Variants in SORCS3 observed in about 807,000 individuals in gnomAD.
The protein encoded by SORCS3 is VPS10 domain-containing receptor SorCS3.
Under a neutral mutation model 146.3 loss-of-function variants are expected in SORCS3, and 57 were observed. The observed-to-expected ratio is 0.39, with a 90% CI of 0.31 to 0.49. The LOEUF (loss-of-function observed/expected upper bound fraction) is 0.49, where lower values mean the gene tolerates loss of function less well. SORCS3 is among the 20% of genes least tolerant of loss of function. The pLI is 0.92. For synonymous variants in SORCS3, 653 were observed against 618.5 expected (o/e 1.06, Z -0.83); for missense variants, 1,341 against 1,575.5 (o/e 0.85, Z 2.52).
At chr10:105,178,355 A>G (rs919522432) in intron 14 of SORCS3, among the ~76,000 whole-genome samples, 182 bp downstream of exon 14, 1 of 152,228 alleles carries the variant, frequency 6.6e-6, no homozygotes, top group African/African-American at 2.4e-5. Flanking sequence ...AGCTACTGCC[A>G]GGATTAGGGA....
chr10:105,145,019 A>G (rs1046309450), intron 8 of SORCS3, among the ~76,000 whole-genome samples: 3 of 152,134 alleles, frequency 2.0e-5, no homozygotes, highest in African/African-American at 7.2e-5. Flanking sequence ...GCTTGTTCAG[A>G]TGGAAGAATC....
intron 4 of SORCS3, among the ~76,000 whole-genome samples, chr10:105,019,455 T>C (rs1388280148): frequency 6.6e-6 from 1 of 152,202 alleles, no homozygotes; most frequent in African/African-American, 2.4e-5. Context: ...GTTGCATTAT[T>C]TTCTGTAAAC....
At chr10:105,010,304 C>T (rs1485029429) in intron 4 of SORCS3, among the ~76,000 whole-genome samples, 1 of 152,132 alleles carries the variant, frequency 6.6e-6, no homozygotes, top group Non-Finnish European at 1.5e-5. Flanking sequence ...TTTTGCAAAC[C>T]CTCTAGTAAC....
intron 1 of SORCS3, among the ~76,000 whole-genome samples, chr10:104,742,203 A>G (rs532760854): frequency 2.6e-4 from 39 of 152,304 alleles, no homozygotes; most frequent in Non-Finnish European, 5.0e-4. Flanking sequence ...ACTGCTGGAC[A>G]GTGGCACATG....
chr10:105,154,188 T>G (rs2056189356), intron 9 of SORCS3, among the ~76,000 whole-genome samples: 1 of 152,140 alleles, frequency 6.6e-6, no homozygotes, highest in Non-Finnish European at 1.5e-5. Context: ...TCCCTCTGCT[T>G]TATCAGGACC....
intron 2 of SORCS3, among the ~76,000 whole-genome samples, chr10:104,869,146 TG>T: frequency 6.6e-6 from 1 of 152,056 alleles, no homozygotes. Flanking sequence ...TGTGTATGTG[TG>T]AAATATAATA....
At chr10:105,026,697 G>A (rs1040357441) in intron 4 of SORCS3, among the ~76,000 whole-genome samples, 1 of 152,180 alleles carries the variant, frequency 6.6e-6, no homozygotes, top group African/African-American at 2.4e-5. Context: ...TGCAGCTGGA[G>A]ACCATTATAC....
intron 11 of SORCS3, among the ~76,000 whole-genome samples, chr10:105,162,751 C>A (rs142814605): frequency 6.6e-6 from 1 of 152,140 alleles, no homozygotes; most frequent in Admixed American, 6.5e-5. Context: ...GAACCAGCTT[C>A]TAAGGAAGGT....
chr10:105,182,121 A>T (rs1260967327), intron 14 of SORCS3, among the ~76,000 whole-genome samples: 1 of 151,998 alleles, frequency 6.6e-6, no homozygotes, highest in Non-Finnish European at 1.5e-5. Flanking sequence ...TCTGAAAGAG[A>T]TCAGACACTT....
chr10:105,166,452 A>G (rs1338141326), intron 12 of SORCS3, among the ~76,000 whole-genome samples: 2 of 152,226 alleles, frequency 1.3e-5, no homozygotes, highest in Non-Finnish European at 2.9e-5. Flanking sequence ...GGTTGGAGAT[A>G]TAAAAGTCAT....
intron 19 of SORCS3, among the ~76,000 whole-genome samples, chr10:105,219,925 C>T (rs2056689542): frequency 6.6e-6 from 1 of 152,160 alleles, no homozygotes; most frequent in Non-Finnish European, 1.5e-5. Context: ...TTCCTTGAAA[C>T]TTTTATCGTG....
At chr10:104,755,217 A>G (rs1046220190) in intron 1 of SORCS3, among the ~76,000 whole-genome samples, 35 of 152,238 alleles carry the variant, frequency 2.3e-4, no homozygotes, top group Non-Finnish European at 8.8e-5. Flanking sequence ...ACATTCATTC[A>G]TTCCTTTATT....
At chr10:104,679,562 C>T (rs963192070) in intron 1 of SORCS3, among the ~76,000 whole-genome samples, 3 of 152,224 alleles carry the variant, frequency 2.0e-5, no homozygotes, top group Admixed American at 6.5e-5. Flanking sequence ...ACCAAATCTA[C>T]TTTTTCTTCA....
intron 4 of SORCS3, among the ~76,000 whole-genome samples, chr10:105,013,411 G>GA (rs1227137184): frequency 6.6e-6 from 1 of 151,884 alleles, no homozygotes; most frequent in Non-Finnish European, 1.5e-5. Context: ...TAAGAAAAAG[G>GA]AAAAAGGTCA....
At chr10:105,119,065 A>C (rs1306517290) in intron 7 of SORCS3, among the ~76,000 whole-genome samples, 1 of 152,170 alleles carries the variant, frequency 6.6e-6, no homozygotes, top group Non-Finnish European at 1.5e-5. Context: ...GAGGTCTAGG[A>C]GGAAAAATTG....
At chr10:105,254,871 A>G (rs1164429268) in intron 23 of SORCS3, among the ~76,000 whole-genome samples, 1 of 152,110 alleles carries the variant, frequency 6.6e-6, no homozygotes, top group East Asian at 1.9e-4. Context: ...TTCCATCCAC[A>G]TTTTGTTGAA....
At chr10:105,169,304 T>C (rs948201453) in intron 13 of SORCS3, among the ~76,000 whole-genome samples, 3 of 152,144 alleles carry the variant, frequency 2.0e-5, no homozygotes, top group Non-Finnish European at 4.4e-5. Flanking sequence ...CAGGAGACTA[T>C]ACTCAAGATA....
chr10:104,841,750 G>A (rs987934836), intron 1 of SORCS3, among the ~76,000 whole-genome samples: 15 of 152,234 alleles, frequency 9.9e-5, no homozygotes, highest in African/African-American at 3.6e-4. Flanking sequence ...AGAATTTAAT[G>A]GTTGCTGTGA....
chr10:104,989,409 G>T (rs76187274), intron 4 of SORCS3, among the ~76,000 whole-genome samples: 2,047 of 152,252 alleles, frequency 0.013, 46 homozygotes, highest in African/African-American at 0.046. Context: ...GTGAATTTGG[G>T]CATAGGAATT....
Sources: gnomAD v4.1 joint callset for allele counts (sites outside exome capture counted in the v4.1 genomes callset) on GRCh38, gnomAD v4.1.1 for gene constraint, MANE v1.5 for transcripts, NCBI Gene and HGNC (gene_info 2026-07-23, HGNC 2026-07-21) for gene names.